Variants in EPC2 observed in about 807,000 individuals in gnomAD.
The protein encoded by EPC2 is enhancer of polycomb homolog 2.
In EPC2, 14 loss-of-function variants were observed where a neutral mutation model predicts 92.1. The ratio of observed to expected loss-of-function variants is 0.15; its 90% CI spans 0.10 to 0.24. The LOEUF (loss-of-function observed/expected upper bound fraction) is 0.24, where lower values mean the gene tolerates loss of function less well. Ranked by LOEUF, EPC2 falls within the 10% of genes least tolerant of loss-of-function variation. The pLI, the probability that EPC2 is intolerant of heterozygous loss-of-function variation, is 1.00. For synonymous variants in EPC2, 340 were observed against 334.7 expected (o/e 1.02, Z -0.17); for missense variants, 755 against 971.5 (o/e 0.78, Z 2.96).
chr2:148,741,775 T>C (rs1291228971), intron 2 of EPC2, among the ~76,000 whole-genome samples: 5 of 152,226 alleles, frequency 3.3e-5, no homozygotes, highest in Non-Finnish European at 5.9e-5. Context: ...TAATAACTTA[T>C]ACATGTACAT....
intron 2 of EPC2, among the ~76,000 whole-genome samples, chr2:148,721,782 C>G (rs1165930116): frequency 6.2e-5 from 9 of 145,746 alleles, no homozygotes. Context: ...TTACCAGGCT[C>G]CAAGATTGTT....
chr2:148,671,287 A>G (rs66877183), intron 1 of EPC2, among the ~76,000 whole-genome samples: 1 of 127,092 alleles, frequency 7.9e-6, no homozygotes, highest in Non-Finnish European at 1.7e-5. Context: ...GTGGATTGTG[A>G]TTTTTTTTTT....
chr2:148,687,537 G>A (rs1681551970), intron 1 of EPC2, among the ~76,000 whole-genome samples: 1 of 152,134 alleles, frequency 6.6e-6, no homozygotes, highest in African/African-American at 2.4e-5. Flanking sequence ...CTAGACTTCT[G>A]TTCCTTAGCC....
chr2:148,719,583 A>G (rs952717139), intron 2 of EPC2, among the ~76,000 whole-genome samples: 4 of 152,202 alleles, frequency 2.6e-5, no homozygotes, highest in Non-Finnish European at 5.9e-5. Flanking sequence ...CAAAACAGCA[A>G]AGATGGCAGC....
At chr2:148,671,577 GCATTC>G (rs1350264091) in intron 1 of EPC2, among the ~76,000 whole-genome samples, 1 of 152,148 alleles carries the variant, frequency 6.6e-6, no homozygotes, top group African/African-American at 2.4e-5. Flanking sequence ...TTGTGCCACT[GCATTC>G]CAGCCTGGGC....
intron 2 of EPC2, among the ~76,000 whole-genome samples, chr2:148,712,418 G>C (rs771572057): frequency 2.0e-5 from 3 of 151,784 alleles, no homozygotes; most frequent in Non-Finnish European, 4.4e-5. Context: ...TCGACACACA[G>C]ACACACACAC....
chr2:148,748,781 G>A (rs557397210), intron 3 of EPC2, among the ~76,000 whole-genome samples: 2 of 151,976 alleles, frequency 1.3e-5, no homozygotes, highest in African/African-American at 4.8e-5. Context: ...GTCAGGTGTG[G>A]AATTTTACAC....
At position 148,786,502 on chromosome 2, in the gene EPC2, T is replaced by G. The variant is rs1171791504; in HGVS notation, c.*125T>G. On this transcript the variant is annotated 3_prime_UTR_variant, in exon 14 of 14. Transcript: ENST00000258484. ...TGGACCTAAATGGACTATAGTATATTGGATGTTAAATCCATATATGATGTA... is the reference window on the plus strand; with the variant it reads ...TGGACCTAAATGGACTATAGTATATGGGATGTTAAATCCATATATGATGTA... The G allele has an allele frequency of 6.0e-6, 4 of 662,204 alleles. No individual in the cohort carries two copies. Among genetic ancestry groups the G allele is most frequent in the Non-Finnish European group, 1.0e-5 (4 of 390,704 alleles). The allele number at this position is 662,204 out of a possible 1,614,324, so 41.0% of individuals were successfully genotyped here.
intron 8 of EPC2, 130 bp from the exon 9 acceptor site, chr2:148,770,662 A>G: frequency 1.9e-6 from 2 of 1,045,018 alleles, no homozygotes; most frequent in Non-Finnish European, 2.6e-6. Context: ...CCCCACTTTT[A>G]CAGTTTTATA....
intron 1 of EPC2, among the ~76,000 whole-genome samples, chr2:148,647,238 GT>G (rs1196963935): frequency 6.6e-6 from 1 of 152,174 alleles, no homozygotes; most frequent in Non-Finnish European, 1.5e-5. Context: ...TTTTAATTTA[GT>G]AAGATAACTT....
chr2:148,690,470 C>T, intron 2 of EPC2, 97 bp downstream of exon 2: 1 of 1,099,102 alleles, frequency 9.1e-7, no homozygotes, highest in Non-Finnish European at 1.3e-6. Context: ...TTTTTTAATT[C>T]ATACACACTG....
At chr2:148,690,890 T>C (rs1681631968) in intron 2 of EPC2, among the ~76,000 whole-genome samples, 2 of 152,188 alleles carry the variant, frequency 1.3e-5, no homozygotes, top group African/African-American at 4.8e-5. Context: ...CTCAAACTCC[T>C]GACCTCAGTT....
chr2:148,658,607 G>GTA (rs3076616), intron 1 of EPC2, among the ~76,000 whole-genome samples: 2,906 of 141,208 alleles, frequency 0.021, 99 homozygotes, highest in African/African-American at 0.063. Context: ...GTGTGTGTGT[G>GTA]TATATATATA....
At chr2:148,750,085 C>T (rs1683058527) in intron 3 of EPC2, among the ~76,000 whole-genome samples, 1 of 152,044 alleles carries the variant, frequency 6.6e-6, no homozygotes, top group African/African-American at 2.4e-5. Flanking sequence ...GAAGATTATT[C>T]ATGGAATTGA....
chr2:148,684,967 T>A (rs1401489805), intron 1 of EPC2, among the ~76,000 whole-genome samples: 1 of 152,210 alleles, frequency 6.6e-6, no homozygotes, highest in Admixed American at 6.5e-5. Context: ...TTTAAACTTG[T>A]GTTTTTCTGA....
Position 148,653,768 on chromosome 2 carries a change from AT to A in EPC2, c.153+8600del, listed in dbSNP as rs1680733802. 1.8e-4 allele frequency among the ~76,000 whole-genome samples: 27 copies of A among 148,672 alleles called. 1 individual carries two copies. In the South Asian group the frequency reaches 6.2e-3, roughly 34 times the overall value. On this transcript the variant is annotated intron_variant, in intron 1 of 13. Transcript: ENST00000258484. Reference sequence around the variant, plus strand: ...CTTGGTTGGGGAGTCAACAAGCAGCATTCAGTTTTGCTGCTAATTTGGTGAA... The same window carrying A: ...CTTGGTTGGGGAGTCAACAAGCAGCATCAGTTTTGCTGCTAATTTGGTGAA...
intron 2 of EPC2, among the ~76,000 whole-genome samples, chr2:148,709,512 A>AC (rs905488673): frequency 6.6e-6 from 1 of 152,196 alleles, no homozygotes; most frequent in Admixed American, 6.6e-5. Flanking sequence ...TTCATATGGA[A>AC]CCAAAAAAAG....
rs369760057 is a variant in EPC2 at position 148,729,013 on chromosome 2, C to G, written c.314-14609C>G. On this transcript the variant is annotated intron_variant, in intron 2 of 13. Coordinates refer to ENST00000258484, the MANE Select transcript of EPC2 (RefSeq NM_015630.4). ...CGCCACTGTACTCCAGCCTGGGCGA[C>G]AGAGCGAAACTCCATCTCAAAAAAA... is the stretch of plus-strand genomic sequence containing the variant. Among the ~76,000 whole-genome samples, 10 of 108,528 alleles carry G rather than the reference C, an allele frequency of 9.2e-5. 1 individual carries two copies. Among genetic ancestry groups the G allele is most frequent in the African/African-American group, 2.6e-4 (7 of 27,130 alleles). The allele number at this position is 108,528 out of a possible 152,430, so 71.2% of individuals were successfully genotyped here. A position where few individuals can be genotyped will look rare whatever the true frequency, so the allele number is the denominator to read the frequency against.
In EPC2 at chr2:148,784,357, A is replaced by C. The variant is rs2241986; in HGVS notation, c.2018-311A>C. On this transcript the variant is annotated intron_variant, in intron 12 of 13. Transcript: ENST00000258484. ...TTTACTAATATTCATGCATGTGTAC[A>C]TACTTAGGGAAACCCAACTGTCATT... Among the ~76,000 whole-genome samples the C allele has an allele frequency of 0.041, 6,222 of 152,284 alleles. 895 individuals are homozygous for C. The East Asian group carries it at 0.41, about 10-fold the overall frequency.
Sources: allele counts gnomAD v4.1 joint callset (sites outside exome capture counted in the v4.1 genomes callset), GRCh38; gene constraint gnomAD v4.1.1; transcripts MANE v1.5; gene names NCBI Gene and HGNC (gene_info 2026-07-23, HGNC 2026-07-21).